The following YTHDF2 variants were observed in gnomAD, a reference collection of about 807,000 sequenced individuals.
YTHDF2 encodes the protein YTH N6-methyladenosine RNA binding protein F2.
Under a neutral mutation model 50.4 loss-of-function variants are expected in YTHDF2, and 2 were observed. That is an observed-to-expected ratio of 0.04 (90% CI 0.02 to 0.12). The LOEUF is 0.12. Ranked by LOEUF, YTHDF2 falls within the 10% of genes least tolerant of loss-of-function variation. The probability of loss-of-function intolerance (pLI) is 1.00; values close to 1 mark genes in which losing one functional copy is unlikely to be tolerated. For missense variants in YTHDF2, 483 were observed against 722.6 expected, an observed-to-expected ratio of 0.67 and a Z score of 3.80; for synonymous variants, 217 against 255.6, an observed-to-expected ratio of 0.85 and a Z score of 1.44.
In YTHDF2 at chr1:28,761,056, T is replaced by C. The variant is rs182095781; in HGVS notation, c.1717-7873T>C. 2.6e-5 allele frequency among the ~76,000 whole-genome samples: 4 copies of C among 151,986 alleles called. No individual in the cohort carries two copies. In the East Asian group the frequency reaches 7.7e-4, roughly 29 times the overall value. On this transcript the variant is annotated intron_variant, in intron 4 of 4. Coordinates refer to ENST00000373812, the MANE Select transcript of YTHDF2 (RefSeq NM_016258.3). Reference sequence around the variant, plus strand: ...GGTGATAGGAATTTGTCAGCTCCATTATAATCTTACTGATCTGTCATTGAC... The same window carrying C: ...GGTGATAGGAATTTGTCAGCTCCATCATAATCTTACTGATCTGTCATTGAC...
intron 3 of YTHDF2, chr1:28,740,469 G>A (rs891229723): frequency 6.6e-6 from 1 of 152,166 alleles, no homozygotes; most frequent in Non-Finnish European, 1.5e-5. Context: ...ATGAGTAGAT[G>A]AGGAAGGGTA....
intron 4 of YTHDF2, among the ~76,000 whole-genome samples, chr1:28,749,212 GTC>G (rs2124180507): frequency 7.7e-6 from 1 of 129,434 alleles, no homozygotes; most frequent in East Asian, 2.3e-4. Flanking sequence ...TGATACGGGA[GTC>G]TCAGTCTCGC....
intron 4 of YTHDF2, among the ~76,000 whole-genome samples, chr1:28,746,907 C>T (rs1017012901): frequency 2.0e-5 from 3 of 151,630 alleles, no homozygotes; most frequent in African/African-American, 7.3e-5. Context: ...CATGGAGAAA[C>T]CCTGTCTCTA....
chr1:28,737,780 A>G (rs1334062771), intron 2 of YTHDF2, 98 bp downstream of exon 2: 1 of 1,475,372 alleles, frequency 6.8e-7, no homozygotes, highest in Non-Finnish European at 9.3e-7. Flanking sequence ...GACCTTTCGG[A>G]AGCCGCTTAG....
At position 28,751,090 on chromosome 1, in the gene YTHDF2, CAAA is replaced by C. The variant is rs56916547; in HGVS notation, c.1716+7122_1716+7124del. Among the ~76,000 whole-genome samples, 13 of 33,762 alleles carry C rather than the reference CAAA, an allele frequency of 3.9e-4. 2 individuals carry two copies. The highest frequency in any genetic ancestry group is 1.1e-3 in the African/African-American group (7 of 6,352). The allele number at this position is 33,762 out of a possible 152,430, so 22.1% of individuals were successfully genotyped here. On this transcript the variant is annotated intron_variant, in intron 4 of 4. Coordinates refer to ENST00000373812, the MANE Select transcript of YTHDF2 (RefSeq NM_016258.3). ...CCTTTGTGACAGAGCGAGACTGTCT[CAAA>C]AAAAAAAAAAAAAAAAAGGCTGGGC... is the stretch of plus-strand genomic sequence containing the variant.
At chr1:28,739,703 A>C (rs1056533495) in intron 3 of YTHDF2, among the ~76,000 whole-genome samples, 34 of 152,330 alleles carry the variant, frequency 2.2e-4, no homozygotes, top group African/African-American at 8.2e-4. Flanking sequence ...TGAAAGTTAA[A>C]ATACTGTTTA....
intron 4 of YTHDF2, among the ~76,000 whole-genome samples, chr1:28,762,253 A>G (rs1010028564): frequency 1.3e-5 from 2 of 152,058 alleles, no homozygotes; most frequent in African/African-American, 2.4e-5. Flanking sequence ...TTAGCCGGGC[A>G]TGGTGGCGGG....
At chr1:28,747,221 A>G (rs1029597001) in intron 4 of YTHDF2, among the ~76,000 whole-genome samples, 1 of 152,160 alleles carries the variant, frequency 6.6e-6, no homozygotes, top group Non-Finnish European at 1.5e-5. Context: ...GTTTTCATAG[A>G]ATGAGTGCAA....
Position 28,736,994 on chromosome 1 carries a change from G to T in YTHDF2, c.-127G>T. ...GAGCCGCGCGCTGTGTCTCCGCTGC[G>T]TCCGCCGAGGCCCCCGAGTGTCAGG... On this transcript the variant is annotated 5_prime_UTR_variant, in exon 1 of 5. Transcript: ENST00000373812. 1 of 1,234,288 alleles carries T rather than the reference G, an allele frequency of 8.1e-7. No homozygotes were observed. Among genetic ancestry groups the T allele is most frequent in the Non-Finnish European group, 1.1e-6 (1 of 889,712 alleles). 76.5% of individuals were successfully genotyped at this position (1,234,288 alleles called of 1,614,324 possible).
chr1:28,756,763 T>A (rs1375683499), intron 4 of YTHDF2, among the ~76,000 whole-genome samples: 1 of 151,818 alleles, frequency 6.6e-6, no homozygotes, highest in Non-Finnish European at 1.5e-5. Context: ...AGGAGGGAGA[T>A]AGGGAAGGCT....
intron 4 of YTHDF2, among the ~76,000 whole-genome samples, chr1:28,753,791 C>T (rs1316109028): frequency 6.6e-6 from 1 of 151,434 alleles, no homozygotes; most frequent in Non-Finnish European, 1.5e-5. Flanking sequence ...GCTGCAGCCT[C>T]CCCCTCCCAG....
At chr1:28,760,144 T>C (rs1305450704) in intron 4 of YTHDF2, among the ~76,000 whole-genome samples, 1 of 152,202 alleles carries the variant, frequency 6.6e-6, no homozygotes, top group African/African-American at 2.4e-5. Context: ...TACCTTCTTC[T>C]GGAATACCTC....
intron 4 of YTHDF2, among the ~76,000 whole-genome samples, chr1:28,753,482 A>T (rs2087989566): frequency 6.7e-6 from 1 of 149,918 alleles, no homozygotes; most frequent in Non-Finnish European, 1.5e-5. Flanking sequence ...CGGGACGTCA[A>T]GTCTGCAGTG....
At chr1:28,761,927 A>G (rs1427980506) in intron 4 of YTHDF2, among the ~76,000 whole-genome samples, 2 of 152,198 alleles carry the variant, frequency 1.3e-5, no homozygotes, top group African/African-American at 2.4e-5. Flanking sequence ...GGGGGAAGTT[A>G]GCATCTTAAT....
chr1:28,736,888 G>T, upstream of YTHDF2: 1 of 527,666 alleles, frequency 1.9e-6, no homozygotes, highest in Non-Finnish European at 3.3e-6. Context: ...TTAGGCGGTG[G>T]GGGGCGGGCG....
intron 3 of YTHDF2, among the ~76,000 whole-genome samples, chr1:28,739,420 C>A (rs965006447): frequency 6.6e-6 from 1 of 151,726 alleles, no homozygotes; most frequent in African/African-American, 2.4e-5. Flanking sequence ...GTGATTTTGC[C>A]CGCCTCAGCC....
intron 4 of YTHDF2, among the ~76,000 whole-genome samples, chr1:28,767,887 C>G (rs2088242452): frequency 1.4e-5 from 2 of 148,012 alleles, no homozygotes; most frequent in South Asian, 4.3e-4. Flanking sequence ...GATCCACCTG[C>G]CTTGGTAAAA....
chr1:28,763,519 G>A (rs576429039), intron 4 of YTHDF2, among the ~76,000 whole-genome samples: 4 of 152,126 alleles, frequency 2.6e-5, no homozygotes, highest in East Asian at 1.9e-4. Context: ...GCAGTGGTGC[G>A]ATCTCAGCTC....
intron 4 of YTHDF2, among the ~76,000 whole-genome samples, chr1:28,758,180 T>A (rs762808664): frequency 7.2e-5 from 11 of 152,046 alleles, no homozygotes; most frequent in Middle Eastern, 3.4e-3. Flanking sequence ...AACCTAGAAG[T>A]TGGAGACCAG....
Sources: gnomAD v4.1 joint callset for allele counts (sites outside exome capture counted in the v4.1 genomes callset) on GRCh38, gnomAD v4.1.1 for gene constraint, MANE v1.5 for transcripts, NCBI Gene and HGNC (gene_info 2026-07-23, HGNC 2026-07-21) for gene names.